RHPN2: variants seen among roughly 807,000 people sequenced by gnomAD.
RHPN2 encodes the protein rhophilin Rho GTPase binding protein 2.
A neutral mutation model predicts 79.0 loss-of-function variants in RHPN2; 40 were observed. The observed-to-expected ratio is 0.51, with a 90% CI of 0.39 to 0.66. The LOEUF is 0.66. Ranked by LOEUF, RHPN2 falls within the 30% of genes least tolerant of loss-of-function variation. The pLI is 0.00. For missense variants in RHPN2, 686 were observed against 883.5 expected, an observed-to-expected ratio of 0.78 and a Z score of 2.83; for synonymous variants, 285 against 363.5, an observed-to-expected ratio of 0.78 and a Z score of 2.46.
Position 32,979,755 on chromosome 19 carries a change from C to CT in RHPN2, c.*240dup, listed in dbSNP as rs1360915521. 7.6e-6 allele frequency: 4 copies of CT among 526,186 alleles called. No individual in the cohort carries two copies. In the African/African-American group the frequency reaches 7.6e-5, roughly 10 times the overall value. The allele number at this position is 526,186 out of a possible 1,614,324, so 32.6% of individuals were successfully genotyped here. A position where few individuals can be genotyped will look rare whatever the true frequency, so the allele number is the denominator to read the frequency against. The stretch of plus-strand genomic sequence containing the variant: ...CTTCAACACTATTCTATTTACAATA[C>CT]TTTATATAATAAATAACTTACAGCA... On this transcript the variant is annotated 3_prime_UTR_variant, in exon 15 of 15. Coordinates refer to ENST00000254260, the MANE Select transcript of RHPN2 (RefSeq NM_033103.5).
At chr19:32,992,738 G>T (rs986800788) in intron 12 of RHPN2, among the ~76,000 whole-genome samples, 4 of 151,486 alleles carry the variant, frequency 2.6e-5, no homozygotes, top group African/African-American at 9.7e-5. Flanking sequence ...TTGAGCCCAG[G>T]AGTTCGAGGC....
chr19:33,035,809 A>G (rs1319200119), intron 2 of RHPN2, among the ~76,000 whole-genome samples: 2 of 152,106 alleles, frequency 1.3e-5, no homozygotes, highest in Non-Finnish European at 2.9e-5. Flanking sequence ...GCATTCCTCA[A>G]TTTTGCTTTA....
intron 1 of RHPN2, among the ~76,000 whole-genome samples, chr19:33,058,346 C>CTG (rs1972251101): frequency 6.6e-6 from 1 of 152,218 alleles, no homozygotes; most frequent in African/African-American, 2.4e-5. Flanking sequence ...AGGCACTGAG[C>CTG]TGTCGCTCCA....
At chr19:33,037,467 C>G (rs949635944) in intron 2 of RHPN2, among the ~76,000 whole-genome samples, 5 of 152,174 alleles carry the variant, frequency 3.3e-5, no homozygotes, top group East Asian at 3.9e-4. Context: ...ACTGTGGAAG[C>G]TTTGTTCTTT....
chr19:33,049,369 C>A (rs543800519), intron 1 of RHPN2, among the ~76,000 whole-genome samples: 1 of 152,274 alleles, frequency 6.6e-6, no homozygotes, highest in Admixed American at 6.5e-5. Context: ...ATAACGAGAC[C>A]TTAGCCCTGA....
Position 32,996,056 on chromosome 19 carries a change from G to A in RHPN2, c.1390C>T (p.Leu464=). 1 of 1,614,004 alleles carries A rather than the reference G, an allele frequency of 6.2e-7. No homozygotes were observed. Among genetic ancestry groups the A allele is most frequent in the East Asian group, 2.2e-5 (1 of 44,872 alleles). ...YAQHQEEDDL[L]NLIDAPSVVA... is the part of the protein sequence containing the mutation. ...ACACTGGGGGCGTCGATCAGGTTCA[G>A]CAGGTCATCCTCCTCCTGGTGCTGG... is the stretch of plus-strand genomic sequence containing the variant. The change falls in exon 11 of 15, where the codon CTG becomes TTG. Residue 464 remains leucine (L), a synonymous_variant. Transcript: ENST00000254260.
chr19:33,033,613 A>G (rs1299572909), intron 2 of RHPN2, among the ~76,000 whole-genome samples: 1 of 151,840 alleles, frequency 6.6e-6, no homozygotes, highest in Admixed American at 6.6e-5. Flanking sequence ...TCACACGTAT[A>G]ATACTAGCAC....
intron 14 of RHPN2, among the ~76,000 whole-genome samples, chr19:32,983,083 C>T (rs2145997309): frequency 6.7e-6 from 1 of 149,752 alleles, no homozygotes; most frequent in Non-Finnish European, 1.5e-5. Flanking sequence ...CACACACACA[C>T]ACACACACAC....
intron 2 of RHPN2, among the ~76,000 whole-genome samples, chr19:33,040,231 CTTTT>C (rs1007486362): frequency 0.032 from 3,128 of 97,828 alleles, 82 homozygotes; most frequent in African/African-American, 0.13. Context: ...GGCAACCTGC[CTTTT>C]TTTTTTTTTT....
At chr19:33,020,097 C>T (rs780752170) in intron 4 of RHPN2, among the ~76,000 whole-genome samples, 10 of 152,064 alleles carry the variant, frequency 6.6e-5, no homozygotes, top group Non-Finnish European at 1.2e-4. Flanking sequence ...CCAAAGGCCC[C>T]GCAGGCAGGG....
chr19:33,014,477 G>T (rs1477740739), intron 4 of RHPN2, among the ~76,000 whole-genome samples: 3 of 151,924 alleles, frequency 2.0e-5, no homozygotes, highest in African/African-American at 7.2e-5. Context: ...AGCTAATATT[G>T]TTATTTTTCA....
chr19:32,985,968 G>T (rs964159084), intron 14 of RHPN2, among the ~76,000 whole-genome samples: 2 of 152,188 alleles, frequency 1.3e-5, no homozygotes, highest in African/African-American at 4.8e-5. Flanking sequence ...AAGAGGACCT[G>T]CTAGGTGAAA....
In RHPN2 at chr19:33,038,835, T is replaced by G. The variant is rs146195795; in HGVS notation, c.185+5414A>C. On this transcript the variant is annotated intron_variant, in intron 2 of 14. Coordinates refer to ENST00000254260, the MANE Select transcript of RHPN2 (RefSeq NM_033103.5). ...ACCACGCGTGGCTAATTTTTGTATT[T>G]TTAGTAGAGACAAGGTTTAACCATG... Among the ~76,000 whole-genome samples the G allele has an allele frequency of 2.0e-4, 30 of 152,258 alleles. No individual in the cohort carries two copies. The East Asian group carries it at 5.2e-3, about 27-fold the overall frequency.
intron 13 of RHPN2, among the ~76,000 whole-genome samples, chr19:32,990,983 C>T (rs1182104454): frequency 1.4e-5 from 2 of 147,880 alleles, no homozygotes; most frequent in East Asian, 2.0e-4. Context: ...GAGCCGAGAT[C>T]GTGCCACTGC....
chr19:32,981,088 G>T (rs911801781), intron 14 of RHPN2, among the ~76,000 whole-genome samples: 4 of 152,050 alleles, frequency 2.6e-5, no homozygotes, highest in African/African-American at 9.7e-5. Context: ...GCCTCCCAAA[G>T]TGCTGGAATT....
Position 33,010,058 on chromosome 19 carries a change from C to T in RHPN2, c.593+1621G>A, listed in dbSNP as rs1399237614. Among the ~76,000 whole-genome samples the T allele has an allele frequency of 3.3e-5, 5 of 152,106 alleles. No individual in the cohort carries two copies. In the South Asian group the frequency reaches 6.2e-4, roughly 19 times the overall value. ...CCTCCCAAAATGCTAGGATTACAGGCGTGAGCCACCGCACCTGGCCCTAGG... is the reference window on the plus strand; with the variant it reads ...CCTCCCAAAATGCTAGGATTACAGGTGTGAGCCACCGCACCTGGCCCTAGG... On this transcript the variant is annotated intron_variant, in intron 6 of 14. Coordinates refer to ENST00000254260, the MANE Select transcript of RHPN2 (RefSeq NM_033103.5).
intron 1 of RHPN2, chr19:33,051,570 G>C (rs1372346564): frequency 1.8e-5 from 3 of 168,012 alleles, no homozygotes; most frequent in Non-Finnish European, 2.7e-5. Flanking sequence ...TCATAAAACA[G>C]CTAAATAATG....
intron 13 of RHPN2, chr19:32,991,559 G>A: frequency 2.2e-6 from 1 of 460,638 alleles, no homozygotes; most frequent in Non-Finnish European, 4.0e-6. Flanking sequence ...TTGAAACCAG[G>A]AAGCAGAAGC....
At chr19:33,034,621 AAAT>A (rs1453587108) in intron 2 of RHPN2, among the ~76,000 whole-genome samples, 1 of 149,988 alleles carries the variant, frequency 6.7e-6, no homozygotes, top group African/African-American at 2.4e-5. Context: ...AAAAAAAAAA[AAAT>A]ACAAAAGTTA....
Sources: allele counts gnomAD v4.1 joint callset (sites outside exome capture counted in the v4.1 genomes callset), GRCh38; gene constraint gnomAD v4.1.1; transcripts MANE v1.5; gene names NCBI Gene and HGNC (gene_info 2026-07-23, HGNC 2026-07-21).